PARN: variants seen among roughly 807,000 people sequenced by gnomAD.
The protein encoded by PARN is poly(A)-specific ribonuclease PARN.
Under a neutral mutation model 102.8 loss-of-function variants are expected in PARN, and 71 were observed. The ratio of observed to expected loss-of-function variants is 0.69; its 90% CI spans 0.57 to 0.84. The LOEUF (loss-of-function observed/expected upper bound fraction) is 0.84. Among genes scored for constraint, PARN ranks in the 40% least tolerant of loss-of-function variants. The pLI is 0.00. For synonymous variants in PARN, 261 were observed against 252.9 expected, an observed-to-expected ratio of 1.03 and a Z score of -0.30; for missense variants, 782 against 760.9, an observed-to-expected ratio of 1.03 and a Z score of -0.33.
intron 5 of PARN, among the ~76,000 whole-genome samples, chr16:14,620,140 G>A (rs1275659465): frequency 6.7e-6 from 1 of 150,008 alleles, no homozygotes; most frequent in African/African-American, 2.5e-5. Context: ...CACTTTGGGA[G>A]GCCCAGGCGG....
chr16:14,516,098 G>GA (rs1886984022), intron 21 of PARN, among the ~76,000 whole-genome samples: 1 of 151,066 alleles, frequency 6.6e-6, no homozygotes, highest in South Asian at 2.1e-4. Context: ...GGCCAAATTA[G>GA]AAAAAATACA....
At chr16:14,440,152 G>A (rs1358921445) in intron 23 of PARN, among the ~76,000 whole-genome samples, 4 of 152,062 alleles carry the variant, frequency 2.6e-5, no homozygotes, top group Non-Finnish European at 4.4e-5. Context: ...CTCTCAAAAT[G>A]CAGTCAGAAA....
chr16:14,588,452 C>T (rs1015745623), intron 13 of PARN, among the ~76,000 whole-genome samples: 2 of 152,140 alleles, frequency 1.3e-5, no homozygotes, highest in East Asian at 1.9e-4. Flanking sequence ...AACTGGCAGT[C>T]GGGAGATACT....
chr16:14,576,553 T>A (rs978286425), intron 18 of PARN, among the ~76,000 whole-genome samples: 3 of 152,244 alleles, frequency 2.0e-5, no homozygotes, highest in African/African-American at 7.2e-5. Context: ...GCAGAGAGCA[T>A]TTTTAGCTCT....
intron 21 of PARN, among the ~76,000 whole-genome samples, chr16:14,512,277 A>G (rs1965229269): frequency 6.6e-6 from 1 of 152,130 alleles, no homozygotes; most frequent in South Asian, 2.1e-4. Context: ...TGAGGCAGGC[A>G]GATTGCTTGA....
chr16:14,626,377 G>C (rs1268549289), intron 5 of PARN, among the ~76,000 whole-genome samples: 14 of 152,242 alleles, frequency 9.2e-5, no homozygotes, highest in South Asian at 4.1e-4. Context: ...TCAGACTCCT[G>C]AGCTCAAGTG....
At position 14,586,309 on chromosome 16, in the gene PARN, A is replaced by G. The variant is rs1352333502; in HGVS notation, c.962+9T>C. 1 of 1,530,678 alleles carries G rather than the reference A, an allele frequency of 6.5e-7. No individual in the cohort carries two copies. 94.8% of individuals were successfully genotyped at this position (1,530,678 alleles called of 1,614,324 possible). The stretch of plus-strand genomic sequence containing the variant: ...TTAAAAGAAAGACAAATCCTCAAAG[A>G]AAGCTTACCTGGGGAAAACACATGT... On this transcript the variant is annotated intron_variant, in intron 14 of 23. Coordinates refer to ENST00000437198, the MANE Select transcript of PARN (RefSeq NM_002582.4).
intron 18 of PARN, among the ~76,000 whole-genome samples, chr16:14,568,482 T>C (rs1197624712): frequency 6.6e-6 from 1 of 151,268 alleles, no homozygotes; most frequent in Non-Finnish European, 1.5e-5. Context: ...AGCATGCATC[T>C]GTACTCCCTG....
intron 22 of PARN, among the ~76,000 whole-genome samples, chr16:14,451,210 G>A (rs1057163094): frequency 2.0e-5 from 3 of 152,094 alleles, no homozygotes; most frequent in South Asian, 2.1e-4. Flanking sequence ...CAATGTTACC[G>A]TTCATGCTAA....
intron 21 of PARN, among the ~76,000 whole-genome samples, chr16:14,520,320 C>A (rs1233939235): frequency 6.6e-6 from 1 of 152,130 alleles, no homozygotes; most frequent in East Asian, 1.9e-4. Context: ...AAGATAAACT[C>A]ATGACATTTG....
chr16:14,495,944 G>A (rs1417762544), intron 21 of PARN, among the ~76,000 whole-genome samples: 1 of 152,186 alleles, frequency 6.6e-6, no homozygotes, highest in Non-Finnish European at 1.5e-5. Context: ...CTTCCCAAAA[G>A]CACCAGGGCT....
chr16:14,526,726 T>C, intron 21 of PARN, among the ~76,000 whole-genome samples: 1 of 152,220 alleles, frequency 6.6e-6, no homozygotes. Flanking sequence ...ATTCAACAGT[T>C]GTAGCCATCC....
rs2151597189 is a variant in PARN at position 14,482,681 on chromosome 16, A to G, written c.1627T>C (p.Cys543Arg). The G allele has an allele frequency of 1.2e-6, 2 of 1,613,796 alleles. No homozygotes were observed. The highest frequency in any genetic ancestry group is 8.5e-7 in the Non-Finnish European group (1 of 1,179,792). The change falls in exon 22 of 24, where the codon TGC becomes CGC. Residue 543 changes from cysteine to arginine, a missense_variant. Cys to Arg is a radical substitution (Grantham distance 180). Transcript: ENST00000437198. ...TGATTCTGCAGGGTGTAGGGTATGCACTGGGGGTTTAACCGTTTGCTGTCA... is the reference window on the plus strand; with the variant it reads ...TGATTCTGCAGGGTGTAGGGTATGCGCTGGGGGTTTAACCGTTTGCTGTCA... ...EADSKRLNPQCIPYTLQNHYY... is the reference protein window; with the variant it reads ...EADSKRLNPQRIPYTLQNHYY...
chr16:14,566,855 G>C (rs1225311958), intron 18 of PARN, among the ~76,000 whole-genome samples: 2 of 152,200 alleles, frequency 1.3e-5, no homozygotes, highest in Non-Finnish European at 2.9e-5. Context: ...TGGGTGGGTG[G>C]CCTGTAAGGT....
Position 14,482,728 on chromosome 16 carries a change from G to C in PARN, c.1580C>G (p.Thr527Ser), listed in dbSNP as rs1388144573. ...GTCAGCCTCCTTCCAGCTATCTTCA[G>C]TCCACTTTCTTTTGATCTGCTTCTC... ...QEEKQIKRKW[T>S]EDSWKEADSK... Residue 527 changes from threonine to serine, a missense_variant, in exon 22 of 24, where the codon ACT becomes AGT. By Grantham distance (58) the Thr-to-Ser change is moderately conservative. Transcript: ENST00000437198. 1 of 1,613,704 alleles carries C rather than the reference G, an allele frequency of 6.2e-7. No homozygotes were observed.
At chr16:14,563,223 A>G (rs1249730068) in intron 18 of PARN, among the ~76,000 whole-genome samples, 1 of 152,264 alleles carries the variant, frequency 6.6e-6, no homozygotes, top group African/African-American at 2.4e-5. Context: ...CTCCTGAGGC[A>G]GCAGGCTTTC....
At chr16:14,455,512 T>C (rs1043604821) in intron 22 of PARN, among the ~76,000 whole-genome samples, 1 of 152,222 alleles carries the variant, frequency 6.6e-6, no homozygotes, top group African/African-American at 2.4e-5. Flanking sequence ...GTGAACATTA[T>C]TGGATTCTAT....
chr16:14,581,314 A>G (rs1196709700), intron 17 of PARN, among the ~76,000 whole-genome samples: 3 of 152,108 alleles, frequency 2.0e-5, no homozygotes, highest in African/African-American at 7.2e-5. Flanking sequence ...AGCCTCCTAA[A>G]GTGCTGGGAT....
At chr16:14,608,461 T>A in intron 8 of PARN, 142 bp from the exon 9 acceptor site, 1 of 598,040 alleles carries the variant, frequency 1.7e-6, no homozygotes, top group Non-Finnish European at 3.0e-6. Flanking sequence ...AATACGCAGG[T>A]TTTTTGAGGT....
Sources: gnomAD v4.1 joint callset for allele counts (sites outside exome capture counted in the v4.1 genomes callset) on GRCh38, gnomAD v4.1.1 for gene constraint, MANE v1.5 for transcripts, NCBI Gene and HGNC (gene_info 2026-07-23, HGNC 2026-07-21) for gene names.